HIRA: variants seen among roughly 807,000 people sequenced by gnomAD.
HIRA encodes the protein protein HIRA.
A neutral mutation model predicts 126.6 loss-of-function variants in HIRA; 13 were observed. That is an observed-to-expected ratio of 0.10 (90% CI 0.07 to 0.16). The LOEUF (loss-of-function observed/expected upper bound fraction) is 0.16, where lower values mean the gene tolerates loss of function less well. Ranked by LOEUF, HIRA falls within the 10% of genes least tolerant of loss-of-function variation. The pLI is 1.00. For synonymous variants in HIRA, 511 were observed against 520.0 expected (o/e 0.98, Z 0.24); for missense variants, 834 against 1,314.4 (o/e 0.63, Z 5.65).
At chr22:19,360,095 G>A (rs1277606218) in intron 17 of HIRA, among the ~76,000 whole-genome samples, 7 of 152,186 alleles carry the variant, frequency 4.6e-5, no homozygotes, top group African/African-American at 9.7e-5. Flanking sequence ...AGCCACACGC[G>A]TGTGTGGGGA....
chr22:19,347,211 C>T (rs1556009137), intron 24 of HIRA, among the ~76,000 whole-genome samples: 1 of 152,190 alleles, frequency 6.6e-6, no homozygotes. Context: ...AACAGCTGTA[C>T]TCTTGAAAAG....
chr22:19,413,015 C>A (rs1005048742), intron 1 of HIRA, among the ~76,000 whole-genome samples: 4 of 152,066 alleles, frequency 2.6e-5, no homozygotes, highest in Non-Finnish European at 5.9e-5. Flanking sequence ...TAAGAGTTAG[C>A]CAGAAGATCG....
At chr22:19,355,698 TCTG>T in intron 21 of HIRA, 59 bp downstream of exon 21, 1 of 1,249,472 alleles carries the variant, frequency 8.0e-7, no homozygotes, top group Non-Finnish European at 1.2e-6. Context: ...GACCCTTTGC[TCTG>T]CTGTCTAGAG....
chr22:19,403,147 G>A (rs186645255), intron 5 of HIRA, among the ~76,000 whole-genome samples: 1 of 151,424 alleles, frequency 6.6e-6, no homozygotes, highest in East Asian at 1.9e-4. Context: ...TCTTCCTATG[G>A]GCATTTTAAA....
At chr22:19,331,672 T>G in intron 24 of HIRA, 116 bp from the exon 25 acceptor site, 2 of 978,786 alleles carry the variant, frequency 2.0e-6, no homozygotes, top group South Asian at 1.6e-5. Context: ...GAAAGAACAA[T>G]TCCTCTGCAG....
intron 15 of HIRA, among the ~76,000 whole-genome samples, chr22:19,368,429 A>AT (rs559381485): frequency 0.062 from 9,205 of 147,914 alleles, 425 homozygotes; most frequent in South Asian, 0.13. Flanking sequence ...TCCTTTAAAA[A>AT]TTTTTTTTTT....
rs767699526 is a variant in HIRA at position 19,407,620 on chromosome 22, G to A, written c.212-346C>T. Among the ~76,000 whole-genome samples, 65 of 152,190 alleles carry A rather than the reference G, an allele frequency of 4.3e-4. 1 individual carries two copies. The highest frequency in any genetic ancestry group is 1.3e-4 in the Admixed American group (2 of 15,274). On this transcript the variant is annotated intron_variant, in intron 3 of 24. Transcript: ENST00000263208. Reference sequence around the variant, plus strand: ...TCATCTATTAATGAGACACATTTCTGAGTAGAGATTATTCTCAAAAAAAGA... The same window carrying A: ...TCATCTATTAATGAGACACATTTCTAAGTAGAGATTATTCTCAAAAAAAGA...
At chr22:19,392,334 G>T (rs1601840616) in intron 8 of HIRA, 120 bp from the exon 9 acceptor site, 1 of 575,858 alleles carries the variant, frequency 1.7e-6, no homozygotes, top group East Asian at 2.9e-5. Context: ...CAGGCACTGA[G>T]CATGCATTTC....
Position 19,363,591 on chromosome 22 carries a change from A to C in HIRA, c.1776-1660T>G, listed in dbSNP as rs527611341. On this transcript the variant is annotated intron_variant, in intron 15 of 24. Coordinates refer to ENST00000263208, the MANE Select transcript of HIRA (RefSeq NM_003325.4). ...GGAAGGTAACTATATGAAGCACAGAATTTTTAAGGCATTGAAACTATTCTG... is the reference window on the plus strand; with the variant it reads ...GGAAGGTAACTATATGAAGCACAGACTTTTTAAGGCATTGAAACTATTCTG... Among the ~76,000 whole-genome samples, 47 of 152,284 alleles carry C rather than the reference A, an allele frequency of 3.1e-4. 1 individual carries two copies. Among genetic ancestry groups the C allele is most frequent in the African/African-American group, 1.1e-3 (45 of 41,562 alleles).
intron 24 of HIRA, among the ~76,000 whole-genome samples, chr22:19,349,079 T>G (rs1556010018): frequency 6.8e-6 from 1 of 146,896 alleles, no homozygotes; most frequent in African/African-American, 2.5e-5. Flanking sequence ...CCACCACGCC[T>G]GGCCTGATAC....
chr22:19,395,317 C>G (rs2089213951), intron 7 of HIRA, among the ~76,000 whole-genome samples: 1 of 152,126 alleles, frequency 6.6e-6, no homozygotes, highest in South Asian at 2.1e-4. Flanking sequence ...CACCTCAGCT[C>G]TCAGCCTAGG....
At chr22:19,415,104 C>T (rs1354873327) in intron 1 of HIRA, among the ~76,000 whole-genome samples, 1 of 152,128 alleles carries the variant, frequency 6.6e-6, no homozygotes, top group African/African-American at 2.4e-5. Flanking sequence ...TGCCACCATG[C>T]CTGGCTAAAA....
At chr22:19,415,453 A>G (rs1274433750) in intron 1 of HIRA, among the ~76,000 whole-genome samples, 1 of 152,224 alleles carries the variant, frequency 6.6e-6, no homozygotes, top group Admixed American at 6.5e-5. Context: ...AATAAATGAA[A>G]AAACATTATA....
At chr22:19,348,411 A>T (rs2088712331) in intron 24 of HIRA, among the ~76,000 whole-genome samples, 1 of 152,226 alleles carries the variant, frequency 6.6e-6, no homozygotes, top group South Asian at 2.1e-4. Flanking sequence ...ATAAAACTTT[A>T]AAATAACTAA....
chr22:19,381,977 A>C (rs1294815357), intron 13 of HIRA, among the ~76,000 whole-genome samples: 1 of 152,174 alleles, frequency 6.6e-6, no homozygotes, highest in Non-Finnish European at 1.5e-5. Flanking sequence ...TATTTTCTTC[A>C]AAAACCATCC....
chr22:19,420,399 G>A (rs559974623), intron 1 of HIRA, among the ~76,000 whole-genome samples: 3 of 144,974 alleles, frequency 2.1e-5, no homozygotes, highest in East Asian at 2.1e-4. Flanking sequence ...TCGGGAGGTC[G>A]AGGCTGCAGT....
chr22:19,414,068 G>C (rs2089375753), intron 1 of HIRA, among the ~76,000 whole-genome samples: 1 of 152,116 alleles, frequency 6.6e-6, no homozygotes, highest in African/African-American at 2.4e-5. Context: ...CTTTGTAATA[G>C]AGACAGAAAG....
chr22:19,349,908 C>G (rs977746750), intron 24 of HIRA, among the ~76,000 whole-genome samples: 23 of 152,168 alleles, frequency 1.5e-4, no homozygotes, highest in African/African-American at 5.6e-4. Flanking sequence ...CCTGGATGTT[C>G]TTCTCCCAAA....
intron 24 of HIRA, among the ~76,000 whole-genome samples, chr22:19,340,108 T>A (rs1322397279): frequency 6.6e-6 from 1 of 152,108 alleles, no homozygotes; most frequent in Non-Finnish European, 1.5e-5. Context: ...TGAACATAGA[T>A]GCAAAAATCC....
Sources: gnomAD v4.1 joint callset for allele counts (sites outside exome capture counted in the v4.1 genomes callset) on GRCh38, gnomAD v4.1.1 for gene constraint, MANE v1.5 for transcripts, NCBI Gene and HGNC (gene_info 2026-07-23, HGNC 2026-07-21) for gene names.